Variants in TMC2 observed in about 807,000 individuals in gnomAD.
TMC2 encodes the protein transmembrane channel like 2.
TMC2 carries 102 observed loss-of-function variants against 105.9 expected under a neutral mutation model. The observed-to-expected ratio is 0.96, with a 90% confidence interval of 0.82 to 1.14. TMC2 has a LOEUF of 1.14. TMC2 is among the 50% of genes most tolerant of loss of function. TMC2 has a pLI of 0.00. For synonymous variants in TMC2, 402 were observed against 422.8 expected, an observed-to-expected ratio of 0.95 and a Z score of 0.60; for missense variants, 1,093 against 1,134.3, an observed-to-expected ratio of 0.96 and a Z score of 0.52.
intron 4 of TMC2, among the ~76,000 whole-genome samples, chr20:2,565,288 A>C (rs2086055864): frequency 6.6e-6 from 1 of 152,228 alleles, no homozygotes; most frequent in African/African-American, 2.4e-5. Context: ...TGATGTCGGT[A>C]CTGCCATTAT....
intron 16 of TMC2, among the ~76,000 whole-genome samples, chr20:2,619,276 T>C (rs2086507749): frequency 6.6e-6 from 1 of 152,154 alleles, no homozygotes; most frequent in Non-Finnish European, 1.5e-5. Flanking sequence ...CCAGGGCTTC[T>C]ATCTTGGGGA....
intron 17 of TMC2, among the ~76,000 whole-genome samples, chr20:2,630,053 C>T (rs2086592439): frequency 6.6e-6 from 1 of 152,184 alleles, no homozygotes; most frequent in East Asian, 1.9e-4. Context: ...TGCTTTGACA[C>T]TGAACTTAAA....
chr20:2,642,387 G>A lies in TMC2; in HGVS notation c.*1036G>A, dbSNP rs2422817. Among the ~76,000 whole-genome samples the A allele has an allele frequency of 0.74, 113,168 of 152,050 alleles. 42,325 individuals carry two copies. Among genetic ancestry groups the A allele is most frequent in the East Asian group, 0.87 (4,478 of 5,162 alleles). ...AGTGAAAACAGTGAATCACAGGAGCGAGTGAGTTGCCCAGTGCCTCTTATC... is the reference window on the plus strand; with the variant it reads ...AGTGAAAACAGTGAATCACAGGAGCAAGTGAGTTGCCCAGTGCCTCTTATC... On this transcript the variant is annotated 3_prime_UTR_variant, in exon 20 of 20. Transcript: ENST00000358864.
At chr20:2,580,141 T>C in intron 7 of TMC2, 85 bp downstream of exon 7, 3 of 756,830 alleles carry the variant, frequency 4.0e-6, no homozygotes, top group Non-Finnish European at 6.5e-6. Context: ...CTTCCTGTTT[T>C]ACAAAGAATC....
rs140748876 is a variant in TMC2 at position 2,617,260 on chromosome 20, T to A, written c.2129T>A (p.Val710Glu). The A allele has an allele frequency of 6.8e-5, 110 of 1,614,082 alleles. No homozygotes were observed. The highest frequency in any genetic ancestry group is 1.4e-5 in the Non-Finnish European group (16 of 1,180,042). Residue 710 changes from valine (V) to glutamate (E), a missense_variant, in exon 16 of 20, where the codon GTG becomes GAG. By Grantham distance (121) the Val-to-Glu change is moderately radical. Coordinates refer to ENST00000358864, the MANE Select transcript of TMC2 (RefSeq NM_080751.3). ...LLVLFLSLLP[V>E]AYTIMSLPPS... ...GTGCTCTTCCTCAGCCTCCTGCCGG[T>A]GGCCTACACCATCATGTCCCTCCCA...
At chr20:2,594,612 G>C (rs1282266527) in intron 8 of TMC2, among the ~76,000 whole-genome samples, 5 of 152,304 alleles carry the variant, frequency 3.3e-5, no homozygotes, top group African/African-American at 1.2e-4. Context: ...TGAGGAAATA[G>C]AGGGAATGAA....
chr20:2,617,242 T>A lies in TMC2; in HGVS notation c.2111T>A (p.Phe704Tyr). 6.2e-7 allele frequency: 1 copy of A among 1,614,166 alleles called. No individual in the cohort carries two copies. Among genetic ancestry groups the A allele is most frequent in the Non-Finnish European group, 8.5e-7 (1 of 1,180,012 alleles). ...FYMGLLLLVL[F>Y]LSLLPVAYTI... ...ATGGGCCTCCTGCTGCTGGTGCTCT[T>A]CCTCAGCCTCCTGCCGGTGGCCTAC... Residue 704 changes from phenylalanine to tyrosine, a missense_variant, in exon 16 of 20, where the codon TTC becomes TAC. By Grantham distance (22) the Phe-to-Tyr change is conservative. Transcript: ENST00000358864.
intron 1 of TMC2, among the ~76,000 whole-genome samples, chr20:2,536,939 G>A (rs1269653502): frequency 6.6e-6 from 1 of 152,138 alleles, no homozygotes; most frequent in East Asian, 1.9e-4. Flanking sequence ...TGTCACGGCC[G>A]ATGCATGCTC....
intron 13 of TMC2, 105 bp downstream of exon 13, chr20:2,612,445 T>C (rs2086448209): frequency 2.7e-6 from 3 of 1,124,732 alleles, no homozygotes; most frequent in Non-Finnish European, 2.4e-6. Context: ...TTACCAGCTG[T>C]TCATCCAGCA....
rs866158643 is a variant in TMC2, at chr20:2,602,173, C to A, written c.1285C>A (p.Leu429Ile). Residue 429 changes from leucine to isoleucine, a missense_variant, in exon 11 of 20, where the codon CTT becomes ATT. Coordinates refer to ENST00000358864, the MANE Select transcript of TMC2 (RefSeq NM_080751.3). Reference protein sequence around the residue: ...KEENIHLTRFLRVLANFLIIC... With the variant: ...KEENIHLTRFIRVLANFLIIC... ...AGAAAATATCCATCTGACAAGATTTCTTCGTGTCCTGGCCAACTTTCTCAT... is the reference window on the plus strand; with the variant it reads ...AGAAAATATCCATCTGACAAGATTTATTCGTGTCCTGGCCAACTTTCTCAT... 1.1e-5 allele frequency: 17 copies of A among 1,613,270 alleles called. No individual in the cohort carries two copies. The highest frequency in any genetic ancestry group is 1.4e-5 in the Non-Finnish European group (16 of 1,179,644).
intron 17 of TMC2, among the ~76,000 whole-genome samples, chr20:2,635,212 C>T (rs1313891466): frequency 6.6e-6 from 1 of 152,148 alleles, no homozygotes; most frequent in Admixed American, 6.5e-5. Flanking sequence ...AAAGGACACC[C>T]GATCACCTAG....
At chr20:2,568,057 A>C (rs2086076882) in intron 4 of TMC2, among the ~76,000 whole-genome samples, 1 of 152,176 alleles carries the variant, frequency 6.6e-6, no homozygotes, top group African/African-American at 2.4e-5. Flanking sequence ...AAGAGGAGAA[A>C]AAGGATGAGA....
In TMC2 at chr20:2,536,675, CTG is replaced by C. The variant is rs1292695140; in HGVS notation, c.34+21_34+22del. On this transcript the variant is annotated intron_variant, in intron 1 of 19. Coordinates refer to ENST00000358864, the MANE Select transcript of TMC2 (RefSeq NM_080751.3). ...AGGAAGGTGAGTCCACGTCCTGATC[CTG>C]CGGGGCCCGCCCACAGGGTTCCTGG... 6.4e-7 allele frequency: 1 copy of C among 1,567,108 alleles called. No individual in the cohort carries two copies. Among genetic ancestry groups the C allele is most frequent in the Admixed American group, 1.9e-5 (1 of 52,010 alleles).
At position 2,624,413 on chromosome 20, in the gene TMC2, C is replaced by A. The variant is rs774705541; in HGVS notation, c.2306+17C>A. The A allele has an allele frequency of 3.1e-6, 5 of 1,606,888 alleles. No homozygotes were observed. In the East Asian group the frequency reaches 1.1e-4, roughly 36 times the overall value. ...GCTGATGTTGTAAGTTAGCCAGGAC[C>A]CATGGCTCCACCCCACGGAAACTTC... On this transcript the variant is annotated intron_variant, in intron 17 of 19. Transcript: ENST00000358864.
intron 2 of TMC2, among the ~76,000 whole-genome samples, chr20:2,553,575 G>T (rs944344267): frequency 6.6e-6 from 1 of 151,978 alleles, no homozygotes; most frequent in Non-Finnish European, 1.5e-5. Context: ...GAATGCTGGC[G>T]TCATGAAATG....
chr20:2,605,005 T>C (rs1357405029), intron 11 of TMC2, among the ~76,000 whole-genome samples: 1 of 152,232 alleles, frequency 6.6e-6, no homozygotes, highest in Non-Finnish European at 1.5e-5. Context: ...CTCTGCTTTA[T>C]AGCCAAATCG....
chr20:2,550,606 C>T (rs2085951075), intron 2 of TMC2, among the ~76,000 whole-genome samples: 1 of 151,964 alleles, frequency 6.6e-6, no homozygotes, highest in African/African-American at 2.4e-5. Context: ...AATAATATGC[C>T]CCCAAATGTC....
At chr20:2,600,844 G>A (rs1018179819) in intron 10 of TMC2, among the ~76,000 whole-genome samples, 5 of 150,986 alleles carry the variant, frequency 3.3e-5, no homozygotes, top group African/African-American at 1.2e-4. Flanking sequence ...AAATTTAGCC[G>A]GGTGTGGTGG....
At chr20:2,560,010 C>T (rs112281418) in intron 3 of TMC2, among the ~76,000 whole-genome samples, 3 of 152,172 alleles carry the variant, frequency 2.0e-5, no homozygotes, top group Admixed American at 1.3e-4. Context: ...GAGGAGATAA[C>T]ACATAGGCAT....
Sources: gnomAD v4.1 joint callset for allele counts (sites outside exome capture counted in the v4.1 genomes callset) on GRCh38, gnomAD v4.1.1 for gene constraint, MANE v1.5 for transcripts, NCBI Gene and HGNC (gene_info 2026-07-23, HGNC 2026-07-21) for gene names.